EXOC6: variants seen among roughly 807,000 people sequenced by gnomAD.
EXOC6 encodes the protein exocyst complex component 6.
A neutral mutation model predicts 112.5 loss-of-function variants in EXOC6; 60 were observed. That is an observed-to-expected ratio of 0.53 (90% CI 0.43 to 0.66). The LOEUF (loss-of-function observed/expected upper bound fraction) is 0.66. Ranked by LOEUF, EXOC6 falls within the 30% of genes least tolerant of loss-of-function variation. EXOC6 has a pLI of 0.00. For missense variants in EXOC6, 855 were observed against 957.1 expected (o/e 0.89, Z 1.41); for synonymous variants, 295 against 308.0 (o/e 0.96, Z 0.44).
At chr10:93,037,444 AT>A (rs397846785) in intron 20 of EXOC6, among the ~76,000 whole-genome samples, 59 of 146,604 alleles carry the variant, frequency 4.0e-4, no homozygotes, top group Non-Finnish European at 4.2e-4. Context: ...ATTATTCTCC[AT>A]TTTTTTTTTT....
At chr10:92,926,905 T>C (rs2133929973) in intron 8 of EXOC6, among the ~76,000 whole-genome samples, 1 of 152,284 alleles carries the variant, frequency 6.6e-6, no homozygotes, top group African/African-American at 2.4e-5. Context: ...TAAATTCCAT[T>C]TTATCTTTAA....
intron 4 of EXOC6, among the ~76,000 whole-genome samples, chr10:92,896,137 G>A (rs1205858549): frequency 2.3e-4 from 6 of 25,814 alleles, no homozygotes; most frequent in Admixed American, 7.8e-4. Context: ...GTGTGTGTGT[G>A]TATGTATGTG....
chr10:92,926,586 T>G (rs1180839679), intron 8 of EXOC6, among the ~76,000 whole-genome samples: 2 of 151,268 alleles, frequency 1.3e-5, no homozygotes. Context: ...CCAACTGGAG[T>G]GCAGTGGTAT....
intron 17 of EXOC6, among the ~76,000 whole-genome samples, chr10:92,957,018 A>G (rs1853729654): frequency 6.6e-6 from 1 of 152,136 alleles, no homozygotes; most frequent in Admixed American, 6.5e-5. Context: ...CAAGAAGCTC[A>G]GAGGAGGAAA....
intron 1 of EXOC6, among the ~76,000 whole-genome samples, chr10:92,835,840 T>G (rs1846640929): frequency 6.6e-6 from 1 of 152,190 alleles, no homozygotes; most frequent in Admixed American, 6.6e-5. Context: ...TAATTACAAC[T>G]CCATTATAAC....
upstream of EXOC6, among the ~76,000 whole-genome samples, chr10:92,844,185 C>T (rs1433738122): frequency 2.0e-5 from 3 of 151,426 alleles, no homozygotes; most frequent in Non-Finnish European, 4.4e-5. Flanking sequence ...GAAAAACATG[C>T]CATTTACAAC....
chr10:93,020,316 C>G (rs2134255702), intron 20 of EXOC6, among the ~76,000 whole-genome samples: 1 of 152,160 alleles, frequency 6.6e-6, no homozygotes, highest in African/African-American at 2.4e-5. Flanking sequence ...ATCACCAGAG[C>G]AACTTACATA....
At chr10:92,874,539 T>G (rs756832634) in intron 1 of EXOC6, among the ~76,000 whole-genome samples, 6 of 152,150 alleles carry the variant, frequency 3.9e-5, no homozygotes, top group Non-Finnish European at 5.9e-5. Flanking sequence ...TCTGTAAACC[T>G]TTTTTAATTG....
At position 93,043,809 on chromosome 10, in the gene EXOC6, C is replaced by G. The variant is rs533959202; in HGVS notation, c.2170-13115C>G. On this transcript the variant is annotated intron_variant, in intron 20 of 21. Coordinates refer to ENST00000260762, the MANE Select transcript of EXOC6 (RefSeq NM_019053.6). ...CCCAAGAAAATAAGTCCTCCTTCAACTGCTGTTTTTATTTAGTTTCTCTTT... is the reference window on the plus strand; with the variant it reads ...CCCAAGAAAATAAGTCCTCCTTCAAGTGCTGTTTTTATTTAGTTTCTCTTT... Among the ~76,000 whole-genome samples the G allele has an allele frequency of 2.6e-5, 4 of 152,322 alleles. No individual in the cohort carries two copies. In the South Asian group the frequency reaches 8.3e-4, roughly 32 times the overall value.
chr10:92,943,746 A>G (rs930150872), intron 13 of EXOC6, among the ~76,000 whole-genome samples: 3 of 150,522 alleles, frequency 2.0e-5, no homozygotes, highest in Admixed American at 2.0e-4. Context: ...TTTAAAATCT[A>G]CTGTTGGCAA....
At chr10:92,859,338 T>G (rs752053409) in intron 1 of EXOC6, among the ~76,000 whole-genome samples, 1 of 152,224 alleles carries the variant, frequency 6.6e-6, no homozygotes, top group Non-Finnish European at 1.5e-5. Context: ...ATATACGCTG[T>G]CACCCTGGAA....
intron 17 of EXOC6, among the ~76,000 whole-genome samples, chr10:92,961,698 TCTG>T (rs1253331397): frequency 2.5e-5 from 2 of 78,666 alleles, no homozygotes; most frequent in African/African-American, 6.1e-5. Context: ...TGCTCCGCTT[TCTG>T]TTTTTTTTTT....
At chr10:92,854,476 G>C (rs1847503251) in intron 1 of EXOC6, among the ~76,000 whole-genome samples, 1 of 152,110 alleles carries the variant, frequency 6.6e-6, no homozygotes, top group Admixed American at 6.6e-5. Flanking sequence ...TATTGGTAAG[G>C]ATGTAGAAGA....
At chr10:92,950,646 A>G (rs1853354509) in intron 14 of EXOC6, among the ~76,000 whole-genome samples, 1 of 152,238 alleles carries the variant, frequency 6.6e-6, no homozygotes, top group Non-Finnish European at 1.5e-5. Context: ...GATGAAGTAC[A>G]AGAGATGAAG....
At chr10:92,988,800 T>TACACACACACACACACACACACACAC (rs67242778) in intron 18 of EXOC6, among the ~76,000 whole-genome samples, 42 of 143,090 alleles carry the variant, frequency 2.9e-4, no homozygotes, top group African/African-American at 1.0e-3. Flanking sequence ...CTACAAAAAA[T>TACACACACACACACACACACACACAC]ACACACACAC....
At chr10:92,827,505 A>AAAAAAAC (rs1846406143) in intron 1 of EXOC6, among the ~76,000 whole-genome samples, 1 of 149,662 alleles carries the variant, frequency 6.7e-6, no homozygotes, top group Non-Finnish European at 1.5e-5. Context: ...AAAAAAAAAA[A>AAAAAAAC]ATCCCCATGT....
intron 4 of EXOC6, among the ~76,000 whole-genome samples, chr10:92,896,031 GTGTGTATATATATGTGTATATATA>G (rs1308484422): frequency 8.0e-5 from 10 of 125,372 alleles, no homozygotes; most frequent in Non-Finnish European, 1.3e-4. Context: ...GTATATATAT[GTGTGTATATATATGTGTATATATA>G]TGTGTATATA....
At chr10:92,961,357 A>G (rs1440746227) in intron 17 of EXOC6, among the ~76,000 whole-genome samples, 1 of 152,166 alleles carries the variant, frequency 6.6e-6, no homozygotes, top group Non-Finnish European at 1.5e-5. Context: ...ATCCTTTACC[A>G]CCAACTTCTT....
intron 19 of EXOC6, among the ~76,000 whole-genome samples, chr10:93,002,905 G>A (rs1408895369): frequency 1.3e-5 from 2 of 152,094 alleles, no homozygotes; most frequent in African/African-American, 4.8e-5. Flanking sequence ...TTAATAGCCT[G>A]TGATTGGTTC....
Sources: gnomAD v4.1 joint callset for allele counts (sites outside exome capture counted in the v4.1 genomes callset) on GRCh38, gnomAD v4.1.1 for gene constraint, MANE v1.5 for transcripts, NCBI Gene and HGNC (gene_info 2026-07-23, HGNC 2026-07-21) for gene names.